Variants in ZDHHC11 observed in about 807,000 individuals in gnomAD.
The protein encoded by ZDHHC11 is zDHHC palmitoyltransferase 11, also known as palmitoyltransferase ZDHHC11.
A neutral mutation model predicts 51.3 loss-of-function variants in ZDHHC11; 44 were observed. The ratio of observed to expected loss-of-function variants is 0.86; its 90% CI spans 0.67 to 1.10. ZDHHC11 has a LOEUF of 1.10. Ranked by LOEUF, ZDHHC11 falls within the 50% of genes least tolerant of loss-of-function variation. The probability of loss-of-function intolerance (pLI) is 0.00; values close to 1 mark genes in which losing one functional copy is unlikely to be tolerated. For synonymous variants in ZDHHC11, 163 were observed against 222.0 expected (o/e 0.73, Z 2.36); for missense variants, 400 against 537.7 (o/e 0.74, Z 2.53).
At chr5:818,395 C>T (rs1483726960) in intron 10 of ZDHHC11, among the ~76,000 whole-genome samples, 5 of 151,718 alleles carry the variant, frequency 3.3e-5, no homozygotes, top group South Asian at 2.1e-4. Context: ...AAGGCTTGGA[C>T]GCCAGCGTCG....
chr5:805,458 C>T (rs1190823204), intron 11 of ZDHHC11, among the ~76,000 whole-genome samples: 1 of 151,024 alleles, frequency 6.6e-6, no homozygotes, highest in Admixed American at 6.6e-5. Flanking sequence ...GGTATTCAAA[C>T]TAGGGTGTTA....
At chr5:828,457 G>A (rs1742629279) in intron 7 of ZDHHC11, among the ~76,000 whole-genome samples, 1 of 150,542 alleles carries the variant, frequency 6.6e-6, no homozygotes, top group African/African-American at 2.4e-5. Context: ...GGTGGGGGCT[G>A]ACCCCCCACC....
intron 11 of ZDHHC11, among the ~76,000 whole-genome samples, chr5:806,612 C>T (rs1163400698): frequency 6.7e-6 from 1 of 149,288 alleles, no homozygotes; most frequent in African/African-American, 2.5e-5. Flanking sequence ...CATGGACAGA[C>T]TCTATCTGTA....
At chr5:819,730 A>C (rs1189016349) in intron 9 of ZDHHC11, 118 bp from the exon 10 acceptor site, 7 of 1,059,856 alleles carry the variant, frequency 6.6e-6, no homozygotes, top group Admixed American at 2.1e-5. Flanking sequence ...TGTGTCTCAG[A>C]AACTGGAGAC....
chr5:838,850 C>G (rs950797273), intron 5 of ZDHHC11, among the ~76,000 whole-genome samples: 1 of 145,628 alleles, frequency 6.9e-6, no homozygotes, highest in African/African-American at 2.6e-5. Flanking sequence ...CTGCAGCACC[C>G]CACGTGCTCA....
chr5:813,346 AAAAAT>A (rs1740339152), intron 11 of ZDHHC11, among the ~76,000 whole-genome samples: 1 of 142,072 alleles, frequency 7.0e-6, no homozygotes, highest in Non-Finnish European at 1.5e-5. Context: ...AAAAAAATAA[AAAAAT>A]AAATGTTCCT....
chr5:802,790 G>C (rs1454764804), intron 11 of ZDHHC11, among the ~76,000 whole-genome samples: 1 of 120,990 alleles, frequency 8.3e-6, no homozygotes, highest in Non-Finnish European at 1.6e-5. Flanking sequence ...TGGCTAACAT[G>C]GTGAAACTCT....
At chr5:835,085 A>C (rs1043212929) in intron 6 of ZDHHC11, among the ~76,000 whole-genome samples, 1 of 151,608 alleles carries the variant, frequency 6.6e-6, no homozygotes, top group African/African-American at 2.4e-5. Flanking sequence ...ATCAAAGACA[A>C]GCTTTGTCTC....
upstream of ZDHHC11, among the ~76,000 whole-genome samples, chr5:852,024 C>G (rs886098703): frequency 6.6e-6 from 1 of 151,038 alleles, no homozygotes; most frequent in African/African-American, 2.4e-5. Flanking sequence ...CCACTGCATT[C>G]CAGCCTGGGC....
At chr5:860,142 G>A (rs1027954294), upstream of ZDHHC11, among the ~76,000 whole-genome samples, 9 of 152,196 alleles carry the variant, frequency 5.9e-5, no homozygotes, top group African/African-American at 1.2e-4. This position sits in a 1 kb window ranked among gnomAD's most constrained non-coding sequence, Gnocchi z 4.2. Flanking sequence ...AGGAACAGCT[G>A]GGCTGGGGCG....
intron 8 of ZDHHC11, 47 bp from the exon 9 acceptor site, chr5:821,942 T>A (rs1741628282): frequency 5.2e-6 from 8 of 1,543,264 alleles, no homozygotes; most frequent in Non-Finnish European, 6.2e-6. Flanking sequence ...GACATTGAAC[T>A]TATTCTTAAA....
intron 11 of ZDHHC11, among the ~76,000 whole-genome samples, chr5:813,498 G>A (rs1365939750): frequency 2.1e-5 from 3 of 142,998 alleles, no homozygotes; most frequent in Non-Finnish European, 3.0e-5. Flanking sequence ...AAGCAGCTCC[G>A]AGCCATGAGG....
intron 1 of ZDHHC11, among the ~76,000 whole-genome samples, chr5:850,018 T>C (rs1485911452): frequency 6.6e-6 from 1 of 152,192 alleles, no homozygotes; most frequent in Non-Finnish European, 1.5e-5. Context: ...CATGGCGCTG[T>C]TCCTCCTTGG....
chr5:846,848 G>T (rs1410392806), intron 3 of ZDHHC11, among the ~76,000 whole-genome samples: 2 of 137,794 alleles, frequency 1.5e-5, no homozygotes, highest in South Asian at 2.3e-4. Context: ...GTGCTCAGGG[G>T]AAACACCTCT....
At chr5:834,192 T>C (rs1367014722) in intron 6 of ZDHHC11, among the ~76,000 whole-genome samples, 1 of 152,270 alleles carries the variant, frequency 6.6e-6, no homozygotes, top group African/African-American at 2.4e-5. Context: ...CCTGGGTGTG[T>C]GGTAGTATCT....
chr5:828,569 G>A (rs1742654257), intron 7 of ZDHHC11, among the ~76,000 whole-genome samples: 1 of 151,374 alleles, frequency 6.6e-6, no homozygotes, highest in African/African-American at 2.4e-5. Context: ...ACACAATACT[G>A]CACTGATAGC....
intron 1 of ZDHHC11, among the ~76,000 whole-genome samples, chr5:850,054 G>A (rs1483342928): frequency 6.6e-6 from 1 of 152,244 alleles, no homozygotes; most frequent in Admixed American, 6.5e-5. Flanking sequence ...GAAAGGTGCT[G>A]GCCATGTGCA....
intron 5 of ZDHHC11, among the ~76,000 whole-genome samples, chr5:838,843 C>T (rs1318815792): frequency 6.7e-6 from 1 of 149,492 alleles, no homozygotes; most frequent in Non-Finnish European, 1.5e-5. Flanking sequence ...CAAGGGCCTG[C>T]AGCACCCCAC....
upstream of ZDHHC11, among the ~76,000 whole-genome samples, chr5:859,451 TA>T (rs371612410): frequency 4.0e-5 from 6 of 150,494 alleles, no homozygotes; most frequent in East Asian, 2.0e-4. Flanking sequence ...AAGACAACCC[TA>T]AAAAAAAACA....
Sources: gnomAD v4.1 joint callset for allele counts (sites outside exome capture counted in the v4.1 genomes callset) on GRCh38, gnomAD v4.1.1 for gene constraint, Gnocchi (gnomAD v3.1) non-coding constraint, MANE v1.5 for transcripts, NCBI Gene and HGNC (gene_info 2026-07-23, HGNC 2026-07-21) for gene names.